The following NOVA1 variants were observed in gnomAD, a reference collection of about 807,000 sequenced individuals.
NOVA1 encodes the protein RNA-binding protein Nova-1.
A neutral mutation model predicts 38.0 loss-of-function variants in NOVA1; 7 were observed. That is an observed-to-expected ratio of 0.18 (90% confidence interval 0.10 to 0.35). The LOEUF (loss-of-function observed/expected upper bound fraction) is 0.35. NOVA1 is among the 10% of genes least tolerant of loss of function. The pLI is 1.00. For synonymous variants in NOVA1, 270 were observed against 232.5 expected (o/e 1.16, Z -1.47); for missense variants, 460 against 616.0 (o/e 0.75, Z 2.68).
At chr14:26,470,572 CTT>C in intron 4 of NOVA1, 1 of 1,001,114 alleles carries the variant, frequency 1.0e-6, no homozygotes, top group South Asian at 1.5e-5. Flanking sequence ...TTACAAATGA[CTT>C]ATTATTTCAA....
rs1244644511 is a variant in NOVA1 at position 26,570,586 on chromosome 14, T to C, written c.280+24824A>G. ...GTATGTGTATACATATGTGTATGTGTACTGTATGTGTATACATATGTATAT... is the reference window on the plus strand; with the variant it reads ...GTATGTGTATACATATGTGTATGTGCACTGTATGTGTATACATATGTATAT... On this transcript the variant is annotated intron_variant, in intron 2 of 4. Coordinates refer to ENST00000539517, the MANE Select transcript of NOVA1 (RefSeq NM_002515.3). Among the ~76,000 whole-genome samples, 4 of 152,294 alleles carry C rather than the reference T, an allele frequency of 2.6e-5. No individual in the cohort carries two copies. In the East Asian group the frequency reaches 5.8e-4, roughly 22 times the overall value.
rs141359881 is a variant in NOVA1 at position 26,509,094 on chromosome 14, T to C, written c.281-28951A>G. On this transcript the variant is annotated intron_variant, in intron 2 of 4. Coordinates refer to ENST00000539517, the MANE Select transcript of NOVA1 (RefSeq NM_002515.3). Reference sequence around the variant, plus strand: ...TTCACCTCTTTCAAAGTAAGACATCTCAAGAAACAATTCATACAGAATATC... The same window carrying C: ...TTCACCTCTTTCAAAGTAAGACATCCCAAGAAACAATTCATACAGAATATC... 9.7e-4 allele frequency among the ~76,000 whole-genome samples: 148 copies of C among 152,260 alleles called. 2 individuals are homozygous for C. Among genetic ancestry groups the C allele is most frequent in the Non-Finnish European group, 6.9e-4 (47 of 67,972 alleles).
At chr14:26,489,850 A>T (rs1309885967) in intron 2 of NOVA1, among the ~76,000 whole-genome samples, 1 of 152,144 alleles carries the variant, frequency 6.6e-6, no homozygotes, top group Non-Finnish European at 1.5e-5. Flanking sequence ...AATAAATAAA[A>T]AATAAAAATT....
intron 4 of NOVA1, among the ~76,000 whole-genome samples, chr14:26,453,203 TG>T (rs1402098461): frequency 0.039 from 2,881 of 73,760 alleles, 90 homozygotes; most frequent in African/African-American, 0.14. Flanking sequence ...TATGTATGTA[TG>T]TATGTATTTA....
At chr14:26,488,222 T>C (rs1375563301) in intron 2 of NOVA1, among the ~76,000 whole-genome samples, 1 of 152,188 alleles carries the variant, frequency 6.6e-6, no homozygotes, top group Non-Finnish European at 1.5e-5. Context: ...AAGGCCTGAT[T>C]CTGTTTATAC....
At chr14:26,489,736 T>A (rs919846238) in intron 2 of NOVA1, among the ~76,000 whole-genome samples, 8 of 152,164 alleles carry the variant, frequency 5.3e-5, no homozygotes, top group African/African-American at 1.7e-4. Context: ...CTTGGGAGGC[T>A]GAGGGTGGAG....
intron 2 of NOVA1, among the ~76,000 whole-genome samples, chr14:26,494,454 T>C (rs1886602111): frequency 6.6e-6 from 1 of 152,194 alleles, no homozygotes; most frequent in South Asian, 2.1e-4. Flanking sequence ...TGAACAGATG[T>C]ATAGGTGTAG....
chr14:26,461,881 G>A (rs1222570745), intron 4 of NOVA1, among the ~76,000 whole-genome samples: 2 of 151,768 alleles, frequency 1.3e-5, no homozygotes, highest in African/African-American at 4.8e-5. Context: ...GGGAGGTTCA[G>A]GTGAGCCGAG....
At chr14:26,583,149 G>C (rs1056619513) in intron 2 of NOVA1, among the ~76,000 whole-genome samples, 3 of 151,574 alleles carry the variant, frequency 2.0e-5, no homozygotes, top group Non-Finnish European at 4.4e-5. Context: ...CAGTTGAGAA[G>C]ATAAGCTAAA....
rs149880949 is a variant in NOVA1, at chr14:26,536,668, T to C, written c.281-56525A>G. On this transcript the variant is annotated intron_variant, in intron 2 of 4. Coordinates refer to ENST00000539517, the MANE Select transcript of NOVA1 (RefSeq NM_002515.3). Reference sequence around the variant, plus strand: ...ATAAAAAATAAGATCAAACCATAAGTGAGCATATTCATAACCTTCAAATAA... The same window carrying C: ...ATAAAAAATAAGATCAAACCATAAGCGAGCATATTCATAACCTTCAAATAA... Among the ~76,000 whole-genome samples the C allele has an allele frequency of 3.3e-3, 508 of 152,002 alleles. 3 individuals carry two copies. Among genetic ancestry groups the C allele is most frequent in the African/African-American group, 0.012 (488 of 41,448 alleles).
At chr14:26,557,486 CAAGTAGCAGGGA>C (rs1177842668) in intron 2 of NOVA1, among the ~76,000 whole-genome samples, 1 of 151,852 alleles carries the variant, frequency 6.6e-6, no homozygotes, top group African/African-American at 2.4e-5. Context: ...CTCAGCCTCC[CAAGTAGCAGGGA>C]CTACAGGCAC....
intron 2 of NOVA1, among the ~76,000 whole-genome samples, chr14:26,530,696 C>T (rs1031824734): frequency 1.3e-5 from 2 of 152,032 alleles, no homozygotes; most frequent in Non-Finnish European, 2.9e-5. Flanking sequence ...CTTCCTATTA[C>T]TTATGTATTA....
chr14:26,557,444 G>A (rs986706895), intron 2 of NOVA1, among the ~76,000 whole-genome samples: 2 of 151,820 alleles, frequency 1.3e-5, no homozygotes, highest in Admixed American at 6.6e-5. Context: ...CTGCAGCCTC[G>A]ACATCCTCCC....
intron 2 of NOVA1, among the ~76,000 whole-genome samples, chr14:26,494,611 T>G (rs988563385): frequency 5.9e-5 from 9 of 152,160 alleles, no homozygotes; most frequent in African/African-American, 2.2e-4. Flanking sequence ...AACCACTTCC[T>G]CCTTATGGAA....
chr14:26,533,944 G>A (rs1889897346), intron 2 of NOVA1, among the ~76,000 whole-genome samples: 1 of 152,142 alleles, frequency 6.6e-6, no homozygotes, highest in East Asian at 1.9e-4. Context: ...AATAAGCTCT[G>A]TGCTCAGACT....
intron 2 of NOVA1, among the ~76,000 whole-genome samples, chr14:26,514,963 T>G (rs1337249806): frequency 1.3e-5 from 2 of 151,904 alleles, no homozygotes; most frequent in Non-Finnish European, 2.9e-5. Flanking sequence ...ATTTCATTAT[T>G]TTAATATTTA....
At chr14:26,539,667 G>T (rs1017383706) in intron 2 of NOVA1, among the ~76,000 whole-genome samples, 1 of 152,060 alleles carries the variant, frequency 6.6e-6, no homozygotes, top group African/African-American at 2.4e-5. Context: ...CAAAGTTATA[G>T]ACTGAAATAA....
intron 2 of NOVA1, among the ~76,000 whole-genome samples, chr14:26,560,025 A>C (rs989183607): frequency 5.3e-5 from 8 of 152,026 alleles, no homozygotes; most frequent in African/African-American, 1.9e-4. Context: ...AATTTAATAC[A>C]TTTTGTATAA....
At chr14:26,469,684 G>A (rs1009760979) in intron 4 of NOVA1, among the ~76,000 whole-genome samples, 2 of 152,096 alleles carry the variant, frequency 1.3e-5, no homozygotes, top group African/African-American at 4.8e-5. Flanking sequence ...CGAACTCCTG[G>A]CCTCAGGCAC....
Sources: gnomAD v4.1 joint callset for allele counts (sites outside exome capture counted in the v4.1 genomes callset) on GRCh38, gnomAD v4.1.1 for gene constraint, MANE v1.5 for transcripts, NCBI Gene and HGNC (gene_info 2026-07-23, HGNC 2026-07-21) for gene names.